The following RTN4R variants were observed in gnomAD, a reference collection of about 807,000 sequenced individuals.
The protein encoded by RTN4R is reticulon-4 receptor.
Under a neutral mutation model 27.7 loss-of-function variants are expected in RTN4R, and 4 were observed. That is an observed-to-expected ratio of 0.14 (90% CI 0.07 to 0.33). The LOEUF is 0.33. RTN4R is among the 10% of genes least tolerant of loss of function. The pLI is 1.00. For synonymous variants in RTN4R, 290 were observed against 305.6 expected, an observed-to-expected ratio of 0.95 and a Z score of 0.53; for missense variants, 554 against 671.5, an observed-to-expected ratio of 0.83 and a Z score of 1.93.
Position 20,242,146 on chromosome 22 carries a change from C to G in RTN4R, c.987G>C (p.Pro329=). The change falls in exon 2 of 2, where the codon CCG becomes CCC. Residue 329 remains proline, a synonymous_variant. Coordinates refer to ENST00000043402, the MANE Select transcript of RTN4R (RefSeq NM_023004.6). ...GCTGGCAGCACTTGGGAAGCCCCAGCGGCTCCTCATCGGTGGCCCTGCCGG... is the reference window on the plus strand; with the variant it reads ...GCTGGCAGCACTTGGGAAGCCCCAGGGGCTCCTCATCGGTGGCCCTGCCGG... ...IWTGRATDEE[P]LGLPKCCQPD... The G allele has an allele frequency of 6.2e-7, 1 of 1,612,144 alleles. No individual in the cohort carries two copies. Among genetic ancestry groups the G allele is most frequent in the East Asian group, 2.2e-5 (1 of 44,854 alleles).
chr22:20,267,320 T>TCCAGG (rs1316610357), intron 1 of RTN4R, among the ~76,000 whole-genome samples: 1 of 152,192 alleles, frequency 6.6e-6, no homozygotes, highest in Admixed American at 6.5e-5. Flanking sequence ...GGGAGCACCC[T>TCCAGG]CCAGGCGGGG....
chr22:20,242,604 G>A lies in RTN4R; in HGVS notation c.529C>T (p.Leu177=), dbSNP rs1170274719. ...AGGAAGAGGTGTGTGAGGTTGCCCA[G>A]GTCGCGGAAGGTGTCATCAGGCAGT... ...QALPDDTFRD[L]GNLTHLFLHG... Residue 177 remains leucine, a synonymous_variant, in exon 2 of 2, where the codon CTG becomes TTG. Coordinates refer to ENST00000043402, the MANE Select transcript of RTN4R (RefSeq NM_023004.6). The A allele has an allele frequency of 1.2e-6, 2 of 1,613,106 alleles. No individual in the cohort carries two copies. Among genetic ancestry groups the A allele is most frequent in the Non-Finnish European group, 1.7e-6 (2 of 1,179,922 alleles).
chr22:20,264,990 T>C (rs941018060), intron 1 of RTN4R, among the ~76,000 whole-genome samples: 7 of 152,218 alleles, frequency 4.6e-5, no homozygotes, highest in Non-Finnish European at 8.8e-5. Context: ...AAACTCCCCG[T>C]GTGCTTCCTG....
At chr22:20,252,936 C>T (rs1467625072) in intron 1 of RTN4R, among the ~76,000 whole-genome samples, 1 of 152,190 alleles carries the variant, frequency 6.6e-6, no homozygotes, top group Non-Finnish European at 1.5e-5. Flanking sequence ...AAACCCCACC[C>T]AGGCCCCCAC....
chr22:20,251,448 G>A (rs2051176100), intron 1 of RTN4R, among the ~76,000 whole-genome samples: 1 of 149,232 alleles, frequency 6.7e-6, no homozygotes, highest in Non-Finnish European at 1.5e-5. Context: ...TGAAGGAAAA[G>A]TAGGCTGTGG....
chr22:20,241,673 C>T lies in RTN4R; in HGVS notation c.*38G>A, dbSNP rs1408502641. On this transcript the variant is annotated 3_prime_UTR_variant, in exon 2 of 2. Transcript: ENST00000043402. Reference sequence around the variant, plus strand: ...TGGAGAGAGACCCCGTATGTACACACACCTGGCTGCTGAGCACGCTCTTGT... The same window carrying T: ...TGGAGAGAGACCCCGTATGTACACATACCTGGCTGCTGAGCACGCTCTTGT... 2 of 1,547,392 alleles carry T rather than the reference C, an allele frequency of 1.3e-6. No individual in the cohort carries two copies. Among genetic ancestry groups the T allele is most frequent in the South Asian group, 1.2e-5 (1 of 83,934 alleles).
At chr22:20,254,958 C>G (rs1479328734) in intron 1 of RTN4R, among the ~76,000 whole-genome samples, 1 of 152,174 alleles carries the variant, frequency 6.6e-6, no homozygotes, top group Admixed American at 6.5e-5. Flanking sequence ...TTTATGGGAC[C>G]TGGGTTGGGA....
At chr22:20,258,274 C>A (rs767510941) in intron 1 of RTN4R, among the ~76,000 whole-genome samples, 12 of 152,308 alleles carry the variant, frequency 7.9e-5, no homozygotes, top group Non-Finnish European at 1.2e-4. Flanking sequence ...GAATGCCCTG[C>A]CCTATTCCCA....
At chr22:20,246,828 A>G (rs145106223) in intron 1 of RTN4R, among the ~76,000 whole-genome samples, 2,103 of 152,354 alleles carry the variant, frequency 0.014, 21 homozygotes, top group Middle Eastern at 0.048. Context: ...TCGGGCCCCA[A>G]TGCCGCCCCT....
At chr22:20,246,566 C>T (rs967071699) in intron 1 of RTN4R, among the ~76,000 whole-genome samples, 9 of 152,080 alleles carry the variant, frequency 5.9e-5, no homozygotes, top group Non-Finnish European at 8.8e-5. Flanking sequence ...GGCAGGCAGG[C>T]GGCTGCTGAG....
chr22:20,257,542 C>T (rs2051218898), intron 1 of RTN4R, among the ~76,000 whole-genome samples: 2 of 152,214 alleles, frequency 1.3e-5, no homozygotes, highest in African/African-American at 4.8e-5. Context: ...AAGGGAACTT[C>T]CACCAGAACC....
In RTN4R at chr22:20,241,708, G is replaced by T. The variant is rs1411061639; in HGVS notation, c.*3C>A. On this transcript the variant is annotated 3_prime_UTR_variant, in exon 2 of 2. Coordinates refer to ENST00000043402, the MANE Select transcript of RTN4R (RefSeq NM_023004.6). The stretch of plus-strand genomic sequence containing the variant: ...CTGAGCACGCTCTTGTGTCCGCTGG[G>T]GGTCAGCAGGGCCCAAGCACTGTCC... 1 of 1,549,516 alleles carries T rather than the reference G, an allele frequency of 6.5e-7. No individual in the cohort carries two copies. Among genetic ancestry groups the T allele is most frequent in the South Asian group, 1.2e-5 (1 of 84,074 alleles).
At chr22:20,252,389 C>T (rs1172006056) in intron 1 of RTN4R, among the ~76,000 whole-genome samples, 3 of 152,212 alleles carry the variant, frequency 2.0e-5, no homozygotes, top group South Asian at 4.1e-4. Context: ...GAGGGCCCCT[C>T]GCCTCCCTGG....
chr22:20,261,396 G>T (rs1479587094), intron 1 of RTN4R, among the ~76,000 whole-genome samples: 1 of 152,212 alleles, frequency 6.6e-6, no homozygotes, highest in Non-Finnish European at 1.5e-5. Context: ...TGGAAGAAGG[G>T]GTCCCTGGAG....
At chr22:20,256,214 C>G (rs906457395) in intron 1 of RTN4R, among the ~76,000 whole-genome samples, 4 of 152,210 alleles carry the variant, frequency 2.6e-5, no homozygotes, top group Admixed American at 2.0e-4. Context: ...CTCAGCATCT[C>G]TGTCTGGGAC....
intron 1 of RTN4R, among the ~76,000 whole-genome samples, chr22:20,259,134 G>A (rs1162880532): frequency 6.6e-6 from 1 of 152,104 alleles, no homozygotes; most frequent in African/African-American, 2.4e-5. Flanking sequence ...ATAGGGGAGG[G>A]CACAAAGGGA....
At chr22:20,262,819 C>CA (rs2051255562) in intron 1 of RTN4R, among the ~76,000 whole-genome samples, 1 of 152,246 alleles carries the variant, frequency 6.6e-6, no homozygotes, top group Non-Finnish European at 1.5e-5. Flanking sequence ...CATGGCTGCC[C>CA]AGCCTTGGGG....
Position 20,255,466 on chromosome 22 carries a change from T to A in RTN4R, c.23-12356A>T, listed in dbSNP as rs1831734462. 6.6e-6 allele frequency among the ~76,000 whole-genome samples: 1 copy of A among 152,060 alleles called. No individual in the cohort carries two copies. The highest frequency in any genetic ancestry group is 1.5e-5 in the Non-Finnish European group (1 of 67,988). On this transcript the variant is annotated intron_variant, in intron 1 of 1. Coordinates refer to ENST00000043402, the MANE Select transcript of RTN4R (RefSeq NM_023004.6). The surrounding 1 kb of genome is among the most constrained non-coding windows in gnomAD (Gnocchi z 4.8). Reference sequence around the variant, plus strand: ...TTTTGGTCCCCTGCTCGGCCAAGGGTGGCTGAGGATACATCTGGGTCTCCC... The same window carrying A: ...TTTTGGTCCCCTGCTCGGCCAAGGGAGGCTGAGGATACATCTGGGTCTCCC...
Position 20,268,302 on chromosome 22 carries a change from C to G in RTN4R, c.-210G>C, listed in dbSNP as rs2051292799. Reference sequence around the variant, plus strand: ...GCGCGCAGGGCGCACAGGGCGAGGGCGGCGGCGGCGCGGGGGTTGGGGCGT... The same window carrying G: ...GCGCGCAGGGCGCACAGGGCGAGGGGGGCGGCGGCGCGGGGGTTGGGGCGT... On this transcript the variant is annotated 5_prime_UTR_variant, in exon 1 of 2. Transcript: ENST00000043402. The G allele has an allele frequency of 0.018, 16 of 894 alleles. No homozygotes were observed. Among genetic ancestry groups the G allele is most frequent in the Admixed American group, 0.029 (2 of 68 alleles). 0.1% of individuals were successfully genotyped at this position (894 alleles called of 1,614,324 possible). A position where few individuals can be genotyped will look rare whatever the true frequency, so the allele number is the denominator to read the frequency against.
Sources: allele counts gnomAD v4.1 joint callset (sites outside exome capture counted in the v4.1 genomes callset), GRCh38; gene constraint gnomAD v4.1.1; non-coding constraint Gnocchi (gnomAD v3.1); transcripts MANE v1.5; gene names NCBI Gene and HGNC (gene_info 2026-07-23, HGNC 2026-07-21).